The following KAZN variants were observed in gnomAD, a reference collection of about 807,000 sequenced individuals.
The protein encoded by KAZN is kazrin.
Under a neutral mutation model 87.4 loss-of-function variants are expected in KAZN, and 40 were observed. The observed-to-expected ratio is 0.46, with a 90% CI of 0.36 to 0.60. The LOEUF (loss-of-function observed/expected upper bound fraction) is 0.60, where lower values mean the gene tolerates loss of function less well. Ranked by LOEUF, KAZN falls within the 20% of genes least tolerant of loss-of-function variation. The pLI is 0.00. For missense variants in KAZN, 898 were observed against 1,073.9 expected (o/e 0.84, Z 2.29); for synonymous variants, 466 against 458.3 (o/e 1.02, Z -0.22).
At chr1:15,095,265 G>C (rs1640755206) in intron 10 of KAZN, among the ~76,000 whole-genome samples, 1 of 152,114 alleles carries the variant, frequency 6.6e-6, no homozygotes. Flanking sequence ...CTGCACACTG[G>C]GCCGCCATGG....
At position 14,975,753 on chromosome 1, in the gene KAZN, C is replaced by G. The variant is rs1010528867; in HGVS notation, c.418+14878C>G. On this transcript the variant is annotated intron_variant, in intron 2 of 14. Transcript: ENST00000376030. ...TGGAAATTAAAGCAAAGAAGGTGGC[C>G]GGGCACAGTGGCTCACGCCTGTAAT... Among the ~76,000 whole-genome samples, 9 of 152,180 alleles carry G rather than the reference C, an allele frequency of 5.9e-5. 1 individual carries two copies. The South Asian group carries it at 1.7e-3, about 28-fold the overall frequency.
chr1:14,133,005 G>C (rs961288867), intron 1 of KAZN, among the ~76,000 whole-genome samples: 2 of 152,110 alleles, frequency 1.3e-5, no homozygotes, highest in Admixed American at 6.5e-5. Context: ...TTAACCCTCG[G>C]GTTAAGAAAT....
chr1:14,014,749 G>A (rs1640483851), intron 1 of KAZN, among the ~76,000 whole-genome samples: 1 of 152,192 alleles, frequency 6.6e-6, no homozygotes, highest in East Asian at 1.9e-4. Flanking sequence ...GTACATCTTG[G>A]AGAAAAGTCT....
At chr1:14,206,016 T>C (rs1439963903) in intron 2 of KAZN, among the ~76,000 whole-genome samples, 2 of 150,578 alleles carry the variant, frequency 1.3e-5, no homozygotes, top group South Asian at 2.1e-4. Flanking sequence ...AAACTTAAAG[T>C]ATAATAAATA....
chr1:14,265,065 A>G (rs1041224360), intron 2 of KAZN, among the ~76,000 whole-genome samples: 4 of 152,234 alleles, frequency 2.6e-5, no homozygotes, highest in Non-Finnish European at 5.9e-5. Context: ...TCTTATTTAT[A>G]TCAATAATTT....
chr1:14,356,903 A>C (rs971901166), intron 2 of KAZN, among the ~76,000 whole-genome samples: 3 of 152,198 alleles, frequency 2.0e-5, no homozygotes, highest in Non-Finnish European at 4.4e-5. Flanking sequence ...TGTCTTGACT[A>C]TACGGGCTCT....
chr1:14,747,572 A>G (rs1644296152), intron 1 of KAZN, among the ~76,000 whole-genome samples: 1 of 152,214 alleles, frequency 6.6e-6, no homozygotes, highest in African/African-American at 2.4e-5. Flanking sequence ...AAGCCACTGC[A>G]CCTGGCCCGT....
intron 1 of KAZN, among the ~76,000 whole-genome samples, chr1:14,014,390 A>G (rs1454538112): frequency 6.6e-6 from 1 of 152,036 alleles, no homozygotes; most frequent in African/African-American, 2.4e-5. Flanking sequence ...AAGGGTGAGG[A>G]TGTCCAGCTG....
intron 2 of KAZN, among the ~76,000 whole-genome samples, chr1:14,464,133 A>G (rs1214078214): frequency 6.6e-6 from 1 of 152,192 alleles, no homozygotes; most frequent in Non-Finnish European, 1.5e-5. Flanking sequence ...CCACGGTGGA[A>G]CTTCGTGCAA....
chr1:14,941,864 C>T (rs1159076197), intron 1 of KAZN, among the ~76,000 whole-genome samples: 1 of 152,154 alleles, frequency 6.6e-6, no homozygotes, highest in East Asian at 1.9e-4. Context: ...TTGTCCCAGG[C>T]ATCAGGATGA....
intron 1 of KAZN, among the ~76,000 whole-genome samples, chr1:14,654,466 A>G (rs1034635012): frequency 1.3e-5 from 2 of 152,034 alleles, no homozygotes; most frequent in African/African-American, 4.8e-5. Context: ...GCTCTGCTGT[A>G]TCAGTCCTGG....
intron 1 of KAZN, among the ~76,000 whole-genome samples, chr1:14,895,816 C>G (rs776298646): frequency 1.3e-5 from 2 of 152,106 alleles, no homozygotes; most frequent in Non-Finnish European, 2.9e-5. Flanking sequence ...CACTGGTCTC[C>G]CCAAGGTGTA....
At chr1:14,055,045 T>G (rs1241264421) in intron 1 of KAZN, among the ~76,000 whole-genome samples, 3 of 152,192 alleles carry the variant, frequency 2.0e-5, no homozygotes, top group Non-Finnish European at 4.4e-5. Flanking sequence ...TCAGTGGTCC[T>G]TATCTTCACC....
Position 14,793,246 on chromosome 1 carries a change from G to A in KAZN, c.227-167438G>A, listed in dbSNP as rs568920154. ...ATCAGCACCAGGCGATGGCATCTCCGGGGGTAGCCTGGCTTTGCTAGACCA... is the reference window on the plus strand; with the variant it reads ...ATCAGCACCAGGCGATGGCATCTCCAGGGGTAGCCTGGCTTTGCTAGACCA... On this transcript the variant is annotated intron_variant, in intron 1 of 14. Transcript: ENST00000376030. Among the ~76,000 whole-genome samples the A allele has an allele frequency of 1.3e-3, 201 of 152,288 alleles. 1 individual carries two copies. Among genetic ancestry groups the A allele is most frequent in the African/African-American group, 4.7e-3 (194 of 41,570 alleles).
intron 2 of KAZN, among the ~76,000 whole-genome samples, chr1:15,011,229 G>T (rs1669543957): frequency 1.3e-5 from 2 of 152,210 alleles, no homozygotes. Flanking sequence ...TAGCCAGTTA[G>T]GGTAAGAGCC....
intron 4 of KAZN, among the ~76,000 whole-genome samples, chr1:15,054,128 C>G (rs749167465): frequency 1.9e-4 from 29 of 152,076 alleles, no homozygotes; most frequent in Non-Finnish European, 3.8e-4. Context: ...AATCCCTGCT[C>G]TGCCAGGAAG....
At chr1:15,084,736 A>C (rs962744175) in intron 8 of KAZN, among the ~76,000 whole-genome samples, 1 of 152,174 alleles carries the variant, frequency 6.6e-6, no homozygotes, top group African/African-American at 2.4e-5. Flanking sequence ...TCTCTTCCCC[A>C]CCCCAGTAGA....
At chr1:15,001,792 C>G (rs1668502002) in intron 2 of KAZN, among the ~76,000 whole-genome samples, 1 of 148,718 alleles carries the variant, frequency 6.7e-6, no homozygotes, top group Non-Finnish European at 1.5e-5. Context: ...GGATCACTGT[C>G]TGTTCCACGG....
chr1:14,245,366 T>C (rs188305549), intron 2 of KAZN, among the ~76,000 whole-genome samples: 1 of 152,150 alleles, frequency 6.6e-6, no homozygotes. Flanking sequence ...TGAGTACTGC[T>C]CCTCTGACTT....
Sources: gnomAD v4.1 joint callset for allele counts (sites outside exome capture counted in the v4.1 genomes callset) on GRCh38, gnomAD v4.1.1 for gene constraint, MANE v1.5 for transcripts, NCBI Gene and HGNC (gene_info 2026-07-23, HGNC 2026-07-21) for gene names.